ELMO1: variants seen among roughly 807,000 people sequenced by gnomAD.
The protein encoded by ELMO1 is engulfment and cell motility protein 1.
A neutral mutation model predicts 98.9 loss-of-function variants in ELMO1; 26 were observed. The ratio of observed to expected loss-of-function variants is 0.26; its 90% CI spans 0.19 to 0.36. ELMO1 has a LOEUF of 0.36. ELMO1 is among the 10% of genes least tolerant of loss of function. The probability of loss-of-function intolerance (pLI) is 1.00; values close to 1 mark genes in which losing one functional copy is unlikely to be tolerated. For synonymous variants in ELMO1, 346 were observed against 346.0 expected (o/e 1.00, Z 0.00); for missense variants, 627 against 935.2 (o/e 0.67, Z 4.30).
intron 6 of ELMO1, among the ~76,000 whole-genome samples, chr7:37,258,349 GA>G (rs1487873989): frequency 6.6e-6 from 1 of 152,198 alleles, no homozygotes; most frequent in Non-Finnish European, 1.5e-5. Context: ...GCTGAGGTGG[GA>G]GGATCACTTG....
intron 4 of ELMO1, among the ~76,000 whole-genome samples, chr7:37,289,853 G>C (rs756444272): frequency 2.6e-5 from 4 of 152,094 alleles, no homozygotes; most frequent in Non-Finnish European, 4.4e-5. Context: ...TCAGAGGAGA[G>C]AGTTAAACAG....
intron 16 of ELMO1, among the ~76,000 whole-genome samples, chr7:37,005,091 G>A (rs1584503227): frequency 9.3e-6 from 1 of 107,180 alleles, no homozygotes; most frequent in East Asian, 2.9e-4. Context: ...CCTGGCAACA[G>A]AGCAAGGCTC....
At chr7:37,142,580 C>T (rs1483655685) in intron 13 of ELMO1, among the ~76,000 whole-genome samples, 1 of 152,154 alleles carries the variant, frequency 6.6e-6, no homozygotes, top group Non-Finnish European at 1.5e-5. Flanking sequence ...TTCCTTACCA[C>T]CAGTTTAGAA....
intron 16 of ELMO1, among the ~76,000 whole-genome samples, chr7:36,952,451 T>C (rs1788046638): frequency 6.6e-6 from 1 of 152,114 alleles, no homozygotes; most frequent in Non-Finnish European, 1.5e-5. Context: ...AAGACACTAA[T>C]GAATCTTATC....
chr7:37,211,611 A>G (rs1468260450), intron 12 of ELMO1, 94 bp from the exon 13 acceptor site: 10 of 1,480,966 alleles, frequency 6.8e-6, no homozygotes, highest in Admixed American at 4.2e-5. Flanking sequence ...TGGGGTCTAA[A>G]TGAATCACTG....
intron 15 of ELMO1, among the ~76,000 whole-genome samples, chr7:37,092,366 CTTTTTTTTTTTT>C (rs537388417): frequency 0.03 from 2,035 of 68,900 alleles, 73 homozygotes; most frequent in African/African-American, 0.084. Context: ...TACCCATATT[CTTTTTTTTTTTT>C]TTTTTTTTTT....
chr7:37,120,870 C>A lies in ELMO1; in HGVS notation c.1191+12260G>T, dbSNP rs369939307. On this transcript the variant is annotated intron_variant, in intron 14 of 21. Transcript: ENST00000310758. Reference sequence around the variant, plus strand: ...CCCTAAGTAGCCTAACTGGGAGGCACCCCCCAGTAGGGGCAGACTGACACC... The same window carrying A: ...CCCTAAGTAGCCTAACTGGGAGGCAACCCCCAGTAGGGGCAGACTGACACC... Among the ~76,000 whole-genome samples the A allele has an allele frequency of 1.6e-4, 24 of 152,250 alleles. No homozygotes were observed. In the East Asian group the frequency reaches 1.7e-3, roughly 11 times the overall value.
chr7:37,174,635 C>A (rs1790401213), intron 13 of ELMO1, among the ~76,000 whole-genome samples: 1 of 152,124 alleles, frequency 6.6e-6, no homozygotes, highest in South Asian at 2.1e-4. Context: ...TCCAGGCATG[C>A]CCCATGCCCA....
intron 13 of ELMO1, among the ~76,000 whole-genome samples, chr7:37,168,038 C>A (rs1429083578): frequency 6.6e-6 from 1 of 151,568 alleles, no homozygotes; most frequent in Non-Finnish European, 1.5e-5. Flanking sequence ...TTGTTCATTT[C>A]TTTTTATTCT....
At chr7:37,304,453 C>T (rs1052431681) in intron 4 of ELMO1, among the ~76,000 whole-genome samples, 6 of 152,282 alleles carry the variant, frequency 3.9e-5, no homozygotes, top group East Asian at 3.9e-4. Context: ...CGGCGGCTCA[C>T]GCCTGTAATC....
chr7:37,078,314 A>C (rs1012300280), intron 15 of ELMO1, among the ~76,000 whole-genome samples: 1 of 151,854 alleles, frequency 6.6e-6, no homozygotes, highest in Non-Finnish European at 1.5e-5. Flanking sequence ...TAGATGAAGA[A>C]AGAGCATCCA....
intron 13 of ELMO1, among the ~76,000 whole-genome samples, chr7:37,140,848 A>T (rs560813392): frequency 6.6e-6 from 1 of 152,292 alleles, no homozygotes; most frequent in African/African-American, 2.4e-5. Context: ...CCTGACTCCT[A>T]TAAGAATGGC....
chr7:37,192,324 G>A (rs1366513325), intron 13 of ELMO1, among the ~76,000 whole-genome samples: 3 of 151,666 alleles, frequency 2.0e-5, no homozygotes, highest in Non-Finnish European at 2.9e-5. Context: ...GTGAAATCCC[G>A]TCTCTGCTAA....
At chr7:36,975,276 C>T (rs1584464802) in intron 16 of ELMO1, among the ~76,000 whole-genome samples, 3 of 151,902 alleles carry the variant, frequency 2.0e-5, no homozygotes, top group Non-Finnish European at 2.9e-5. Flanking sequence ...TCGAGGCCAG[C>T]CTGGGCAACA....
intron 16 of ELMO1, among the ~76,000 whole-genome samples, chr7:37,004,947 A>G (rs1281570391): frequency 2.0e-5 from 3 of 151,780 alleles, no homozygotes; most frequent in Non-Finnish European, 4.4e-5. Flanking sequence ...CGTCTCTACT[A>G]AAAATACAAA....
At chr7:37,216,521 T>C in intron 11 of ELMO1, 124 bp downstream of exon 11, 2 of 1,114,138 alleles carry the variant, frequency 1.8e-6, no homozygotes, top group Admixed American at 4.1e-5. Flanking sequence ...TCATTAGAGT[T>C]CCTACTGCTT....
chr7:36,919,246 T>C, intron 16 of ELMO1: 1 of 373,692 alleles, frequency 2.7e-6, no homozygotes, highest in South Asian at 2.3e-5. Context: ...TGGTTAATAG[T>C]GACTAGGATA....
chr7:37,144,664 ACAGCTCT>A (rs1250473098), intron 13 of ELMO1, among the ~76,000 whole-genome samples: 1 of 152,194 alleles, frequency 6.6e-6, no homozygotes, highest in Admixed American at 6.5e-5. Context: ...ATCACAGCAG[ACAGCTCT>A]CAGCCCCTAG....
intron 7 of ELMO1, among the ~76,000 whole-genome samples, chr7:37,240,608 T>C (rs527420175): frequency 6.6e-6 from 1 of 152,292 alleles, no homozygotes; most frequent in Admixed American, 6.5e-5. Flanking sequence ...AACATAGATA[T>C]TTAATGCTAC....
Sources: gnomAD v4.1 joint callset for allele counts (sites outside exome capture counted in the v4.1 genomes callset) on GRCh38, gnomAD v4.1.1 for gene constraint, MANE v1.5 for transcripts, NCBI Gene and HGNC (gene_info 2026-07-23, HGNC 2026-07-21) for gene names.